SV2C: variants seen among roughly 807,000 people sequenced by gnomAD.
SV2C encodes synaptic vesicle glycoprotein 2C.
A neutral mutation model predicts 79.7 loss-of-function variants in SV2C; 49 were observed. The ratio of observed to expected loss-of-function variants is 0.61; its 90% CI spans 0.49 to 0.78. The LOEUF (loss-of-function observed/expected upper bound fraction) is 0.78, where lower values mean the gene tolerates loss of function less well. SV2C is among the 30% of genes least tolerant of loss of function. SV2C has a pLI of 0.00. For synonymous variants in SV2C, 334 were observed against 333.2 expected (o/e 1.00, Z -0.03); for missense variants, 833 against 912.9 (o/e 0.91, Z 1.13).
the SV2C span, among the ~76,000 whole-genome samples, chr5:76,004,817 C>T: frequency 0.077 from 11,647 of 152,184 alleles, 558 homozygotes; most frequent in African/African-American, 0.13. Flanking sequence ...TGCCCAAGGT[C>T]ATATAACCAG....
At chr5:76,135,085 G>A (rs192291936) in intron 2 of SV2C, among the ~76,000 whole-genome samples, 1 of 152,312 alleles carries the variant, frequency 6.6e-6, no homozygotes, top group East Asian at 1.9e-4. Context: ...GTGGAGAGAA[G>A]GAATGGATTT....
At chr5:75,863,075 A>G in the SV2C span, among the ~76,000 whole-genome samples, 1 of 152,206 alleles carries the variant, frequency 6.6e-6, no homozygotes, top group Non-Finnish European at 1.5e-5. Context: ...TACAGCCAGA[A>G]AGAGTGTTGC....
intron 2 of SV2C, among the ~76,000 whole-genome samples, chr5:76,163,968 C>A (rs1218649969): frequency 2.0e-5 from 3 of 152,202 alleles, no homozygotes; most frequent in Non-Finnish European, 4.4e-5. Flanking sequence ...AGCTTCCTGG[C>A]TGGCTATATG....
intron 4 of SV2C, among the ~76,000 whole-genome samples, chr5:76,256,806 C>T (rs1456756382): frequency 3.9e-5 from 6 of 152,208 alleles, no homozygotes; most frequent in African/African-American, 1.4e-4. Context: ...CTTCATAAAA[C>T]TTACAAACAC....
At chr5:76,278,474 T>C (rs1747088197) in intron 4 of SV2C, among the ~76,000 whole-genome samples, 1 of 152,158 alleles carries the variant, frequency 6.6e-6, no homozygotes, top group Non-Finnish European at 1.5e-5. Context: ...AGTAGAGCTG[T>C]CCAGACCAGG....
the SV2C span, among the ~76,000 whole-genome samples, chr5:75,991,404 A>T: frequency 6.6e-6 from 1 of 151,212 alleles, no homozygotes; most frequent in East Asian, 1.9e-4. Flanking sequence ...GTTTTTGTTT[A>T]TGGTAGAGTT....
intron 2 of SV2C, among the ~76,000 whole-genome samples, chr5:76,153,445 G>T (rs887789884): frequency 5.3e-5 from 8 of 152,160 alleles, no homozygotes; most frequent in African/African-American, 1.4e-4. Flanking sequence ...GTGCTTGGTT[G>T]TCTGTGTTTT....
At chr5:75,892,680 T>C in the SV2C span, among the ~76,000 whole-genome samples, 1 of 152,034 alleles carries the variant, frequency 6.6e-6, no homozygotes, top group East Asian at 1.9e-4. Flanking sequence ...TGAGTATAAG[T>C]AGTGTTTGGT....
intron 12 of SV2C, among the ~76,000 whole-genome samples, chr5:76,309,703 C>T (rs1748350589): frequency 6.7e-6 from 1 of 149,776 alleles, no homozygotes; most frequent in Non-Finnish European, 1.5e-5. Flanking sequence ...TTTAGGGATA[C>T]ATTCAACAAA....
At chr5:76,221,653 A>C (rs1473227191) in intron 4 of SV2C, among the ~76,000 whole-genome samples, 1 of 152,116 alleles carries the variant, frequency 6.6e-6, no homozygotes, top group Admixed American at 6.6e-5. Flanking sequence ...GTTTCAGAGA[A>C]TGTAGATACA....
chr5:75,998,317 T>G, the SV2C span, among the ~76,000 whole-genome samples: 23 of 150,218 alleles, frequency 1.5e-4, no homozygotes, highest in African/African-American at 5.4e-4. Context: ...ATTGTGCACA[T>G]GTACCCTAAA....
chr5:76,269,976 G>C (rs1191256984), intron 4 of SV2C, among the ~76,000 whole-genome samples: 2 of 152,108 alleles, frequency 1.3e-5, no homozygotes, highest in Non-Finnish European at 2.9e-5. Context: ...GAGCCAAGAT[G>C]AATGACCCAA....
chr5:75,913,579 T>A, the SV2C span, among the ~76,000 whole-genome samples: 1 of 152,152 alleles, frequency 6.6e-6, no homozygotes. Flanking sequence ...ACCACATGTA[T>A]ATTGTGTGTA....
At chr5:75,934,720 C>A in the SV2C span, among the ~76,000 whole-genome samples, 86,129 of 151,910 alleles carry the variant, frequency 0.57, 25,297 homozygotes, top group African/African-American at 0.73. Flanking sequence ...TTATTAATTT[C>A]GCTTTTGAGT....
the SV2C span, among the ~76,000 whole-genome samples, chr5:75,998,351 A>T: frequency 2.0e-5 from 3 of 152,288 alleles, no homozygotes; most frequent in African/African-American, 7.2e-5. Flanking sequence ...TAATAATAAA[A>T]AAAAAGTCCC....
intron 1 of SV2C, among the ~76,000 whole-genome samples, chr5:76,128,983 T>G (rs1041187060): frequency 6.6e-6 from 1 of 152,290 alleles, no homozygotes; most frequent in East Asian, 1.9e-4. Context: ...GCTCTTCACA[T>G]TTTTCCATTT....
chr5:76,323,429 C>T (rs2112563433), intron 12 of SV2C, among the ~76,000 whole-genome samples: 1 of 152,358 alleles, frequency 6.6e-6, no homozygotes, highest in South Asian at 2.1e-4. Flanking sequence ...CACTTTTACA[C>T]TGTTGGTGTG....
the SV2C span, among the ~76,000 whole-genome samples, chr5:76,020,411 T>A: frequency 5.3e-5 from 8 of 152,312 alleles, no homozygotes; most frequent in East Asian, 1.5e-3. Context: ...AGTCATTCTG[T>A]CCGTGCTCTA....
the SV2C span, among the ~76,000 whole-genome samples, chr5:76,017,476 T>A: frequency 6.6e-6 from 1 of 152,058 alleles, no homozygotes; most frequent in Admixed American, 6.6e-5. Flanking sequence ...TTAGTAGAGA[T>A]GGGGTTTCAC....
Sources: allele counts gnomAD v4.1 joint callset (sites outside exome capture counted in the v4.1 genomes callset), GRCh38; gene constraint gnomAD v4.1.1; transcripts MANE v1.5; gene names NCBI Gene and HGNC (gene_info 2026-07-23, HGNC 2026-07-21).